The following CCDC178 variants were observed in gnomAD, a reference collection of about 807,000 sequenced individuals.
CCDC178 encodes coiled-coil domain containing 178.
A neutral mutation model predicts 117.4 loss-of-function variants in CCDC178; 126 were observed. The ratio of observed to expected loss-of-function variants is 1.07; its 90% CI spans 0.93 to 1.24. The LOEUF (loss-of-function observed/expected upper bound fraction) is 1.24, where lower values mean the gene tolerates loss of function less well. CCDC178 is among the 50% of genes most tolerant of loss of function. The pLI, the probability that CCDC178 is intolerant of heterozygous loss-of-function variation, is 0.00. For synonymous variants in CCDC178, 283 were observed against 313.4 expected, an observed-to-expected ratio of 0.90 and a Z score of 1.02; for missense variants, 1,030 against 986.9, an observed-to-expected ratio of 1.04 and a Z score of -0.59.
intron 2 of CCDC178, among the ~76,000 whole-genome samples, chr18:33,422,268 T>C (rs2064036326): frequency 1.3e-5 from 2 of 152,212 alleles, no homozygotes; most frequent in Admixed American, 1.3e-4. Context: ...AAATGCTTTT[T>C]TTCCCCAATA....
intron 21 of CCDC178, among the ~76,000 whole-genome samples, chr18:32,974,985 A>G (rs560542696): frequency 6.6e-6 from 1 of 152,116 alleles, no homozygotes; most frequent in Non-Finnish European, 1.5e-5. Flanking sequence ...TTTCTACTTC[A>G]CCCAGTTTAA....
At chr18:32,990,414 T>C (rs2055364296) in intron 21 of CCDC178, among the ~76,000 whole-genome samples, 1 of 152,066 alleles carries the variant, frequency 6.6e-6, no homozygotes, top group Non-Finnish European at 1.5e-5. Flanking sequence ...GACGTAGTAA[T>C]CAATAGAACA....
At chr18:32,944,376 A>T (rs779024941) in intron 22 of CCDC178, among the ~76,000 whole-genome samples, 35 of 152,186 alleles carry the variant, frequency 2.3e-4, no homozygotes, top group Non-Finnish European at 4.9e-4. Flanking sequence ...TATATTTGGA[A>T]AGGCAGATAG....
intron 20 of CCDC178, among the ~76,000 whole-genome samples, chr18:33,106,677 G>A (rs571782702): frequency 4.0e-5 from 6 of 151,742 alleles, no homozygotes; most frequent in Non-Finnish European, 5.9e-5. Context: ...ATGGCAAAGG[G>A]ACTTTGCAGC....
chr18:33,240,632 C>T (rs2059476322), intron 15 of CCDC178, among the ~76,000 whole-genome samples: 1 of 151,804 alleles, frequency 6.6e-6, no homozygotes, highest in South Asian at 2.1e-4. Context: ...TGGATACATA[C>T]AATCTACCAA....
At chr18:33,177,259 G>A (rs370709437) in intron 20 of CCDC178, among the ~76,000 whole-genome samples, 36 of 152,030 alleles carry the variant, frequency 2.4e-4, no homozygotes, top group African/African-American at 7.5e-4. Flanking sequence ...TAGGGCATGC[G>A]TGGCTTAACA....
At chr18:33,162,076 G>A (rs988613516) in intron 20 of CCDC178, among the ~76,000 whole-genome samples, 7 of 152,152 alleles carry the variant, frequency 4.6e-5, no homozygotes, top group Admixed American at 6.6e-5. Flanking sequence ...GCAAACTATC[G>A]CAAGGACAGA....
chr18:33,325,516 T>C (rs1219752505), intron 10 of CCDC178, among the ~76,000 whole-genome samples: 5 of 152,082 alleles, frequency 3.3e-5, no homozygotes, highest in Non-Finnish European at 4.4e-5. Context: ...TTGAAATATG[T>C]CACCTTCATT....
intron 22 of CCDC178, among the ~76,000 whole-genome samples, chr18:32,940,088 T>C (rs1470104428): frequency 6.7e-6 from 1 of 148,198 alleles, no homozygotes; most frequent in Admixed American, 7.0e-5. Flanking sequence ...ATCCATTTGC[T>C]TGAATTGGCA....
chr18:32,947,815 T>C (rs2076669536), intron 22 of CCDC178, among the ~76,000 whole-genome samples: 1 of 152,182 alleles, frequency 6.6e-6, no homozygotes, highest in South Asian at 2.1e-4. Flanking sequence ...TCCCCTAAAA[T>C]CTAGAAGTTT....
intron 11 of CCDC178, among the ~76,000 whole-genome samples, chr18:33,294,414 A>G (rs2062080436): frequency 6.6e-6 from 1 of 152,196 alleles, no homozygotes; most frequent in Admixed American, 6.5e-5. Context: ...ATAAACTCCT[A>G]CAAGTCAATA....
intron 22 of CCDC178, chr18:32,958,252 A>G (rs749473691): frequency 3.9e-6 from 2 of 512,864 alleles, no homozygotes; most frequent in South Asian, 4.7e-5. Context: ...TAGTGATTAT[A>G]CTAAAATTAT....
chr18:33,433,943 A>G lies in CCDC178; in HGVS notation c.-23+6019T>C, dbSNP rs577342017. ...TTCTATTATTGAAATATGTTTAAGT[A>G]TAAATGTTTGGACTCTTTTAAATCA... On this transcript the variant is annotated intron_variant, in intron 2 of 22. Coordinates refer to ENST00000383096, the MANE Select transcript of CCDC178 (RefSeq NM_001105528.4). Among the ~76,000 whole-genome samples the G allele has an allele frequency of 5.9e-5, 9 of 152,282 alleles. No individual in the cohort carries two copies. In the South Asian group the frequency reaches 1.7e-3, roughly 28 times the overall value.
intron 20 of CCDC178, among the ~76,000 whole-genome samples, chr18:33,208,484 A>C (rs951686963): frequency 3.3e-5 from 5 of 152,018 alleles, no homozygotes; most frequent in Non-Finnish European, 7.4e-5. Context: ...CGCTATATTC[A>C]AGTCTGTTTT....
intron 22 of CCDC178, among the ~76,000 whole-genome samples, chr18:32,966,033 C>T (rs1014786470): frequency 6.7e-6 from 1 of 150,038 alleles, no homozygotes; most frequent in Non-Finnish European, 1.5e-5. Context: ...AAATTTATTA[C>T]CCTCAGTGTA....
At chr18:33,025,195 T>C (rs1450772342) in intron 21 of CCDC178, among the ~76,000 whole-genome samples, 2 of 152,168 alleles carry the variant, frequency 1.3e-5, no homozygotes, top group African/African-American at 2.4e-5. Flanking sequence ...TAATCTACCA[T>C]ATCAACACAT....
At position 33,245,198 on chromosome 18, in the gene CCDC178, T is replaced by A. The variant is rs758111090; in HGVS notation, c.1593+47A>T. 2.1e-6 allele frequency: 3 copies of A among 1,426,560 alleles called. No homozygotes were observed. In the South Asian group the frequency reaches 4.9e-5, roughly 23 times the overall value. 88.4% of individuals were successfully genotyped at this position (1,426,560 alleles called of 1,614,324 possible). On this transcript the variant is annotated intron_variant, in intron 15 of 22. Transcript: ENST00000383096. Reference sequence around the variant, plus strand: ...ATGAAATCGATACAATTCAGGTAAATTACTCTTTTTTTCATCATGAGTAAG... The same window carrying A: ...ATGAAATCGATACAATTCAGGTAAAATACTCTTTTTTTCATCATGAGTAAG...
At chr18:33,110,610 AT>A (rs1291941976) in intron 20 of CCDC178, among the ~76,000 whole-genome samples, 2 of 151,620 alleles carry the variant, frequency 1.3e-5, no homozygotes, top group Non-Finnish European at 3.0e-5. Flanking sequence ...TTAAAAAAAT[AT>A]TTAGATATCC....
intron 18 of CCDC178, among the ~76,000 whole-genome samples, chr18:33,219,128 G>C (rs62093077): frequency 1.3e-5 from 2 of 152,008 alleles, no homozygotes; most frequent in Non-Finnish European, 1.5e-5. Context: ...TTATTTCATT[G>C]AGCAGTGGTT....
Sources: gnomAD v4.1 joint callset for allele counts (sites outside exome capture counted in the v4.1 genomes callset) on GRCh38, gnomAD v4.1.1 for gene constraint, MANE v1.5 for transcripts, NCBI Gene and HGNC (gene_info 2026-07-23, HGNC 2026-07-21) for gene names.